TTC7A: variants seen among roughly 807,000 people sequenced by gnomAD.
TTC7A encodes tetratricopeptide repeat protein 7A.
A neutral mutation model predicts 103.7 loss-of-function variants in TTC7A; 110 were observed. That is an observed-to-expected ratio of 1.06 (90% CI 0.91 to 1.24). TTC7A has a LOEUF of 1.24. TTC7A is among the 50% of genes most tolerant of loss of function. TTC7A has a pLI of 0.00. For missense variants in TTC7A, 1,340 were observed against 1,116.3 expected, an observed-to-expected ratio of 1.20 and a Z score of -2.86; for synonymous variants, 521 against 467.9, an observed-to-expected ratio of 1.11 and a Z score of -1.47.
intron 15 of TTC7A, among the ~76,000 whole-genome samples, chr2:47,040,038 G>A (rs921377291): frequency 1.2e-4 from 19 of 152,224 alleles, no homozygotes; most frequent in Non-Finnish European, 8.8e-5. Context: ...GCTTGCAGAT[G>A]GCATGGGAGT....
intron 3 of TTC7A, among the ~76,000 whole-genome samples, chr2:46,972,143 G>A (rs78406421): frequency 0.011 from 1,717 of 151,684 alleles, 24 homozygotes; most frequent in African/African-American, 0.04. Context: ...TCTTTTCTCT[G>A]CATGGATTTC....
chr2:47,014,983 G>A (rs1678484325), intron 11 of TTC7A, among the ~76,000 whole-genome samples: 1 of 152,256 alleles, frequency 6.6e-6, no homozygotes, highest in Non-Finnish European at 1.5e-5. Context: ...GCAGAGGGAC[G>A]TGCATGGTCA....
At chr2:46,979,022 G>A (rs941189710) in intron 5 of TTC7A, 115 bp downstream of exon 5, 3 of 684,038 alleles carry the variant, frequency 4.4e-6, no homozygotes, top group Admixed American at 5.0e-5. Context: ...GCTCTTCCAA[G>A]AGGATTGGTG....
In TTC7A at chr2:46,988,091, G is replaced by A. The variant is rs114817869; in HGVS notation, c.765-5359G>A. Reference sequence around the variant, plus strand: ...CATTCTGAGAGCCTCCTGGTGCTCTGTGTCATGCTTTGGGGCAGAGGGTAA... The same window carrying A: ...CATTCTGAGAGCCTCCTGGTGCTCTATGTCATGCTTTGGGGCAGAGGGTAA... On this transcript the variant is annotated intron_variant, in intron 5 of 19. Transcript: ENST00000319190. Among the ~76,000 whole-genome samples the A allele has an allele frequency of 6.2e-3, 945 of 152,292 alleles. 7 individuals carry two copies. Among genetic ancestry groups the A allele is most frequent in the Non-Finnish European group, 0.011 (720 of 68,020 alleles).
intron 19 of TTC7A, among the ~76,000 whole-genome samples, chr2:47,069,175 G>A (rs984104009): frequency 1.1e-4 from 16 of 152,114 alleles, no homozygotes; most frequent in African/African-American, 3.4e-4. Context: ...ACCAGCCCAG[G>A]AAGGGGAGGA....
At chr2:46,925,233 G>A (rs1393086981) in intron 2 of TTC7A, among the ~76,000 whole-genome samples, 1 of 152,112 alleles carries the variant, frequency 6.6e-6, no homozygotes, top group Non-Finnish European at 1.5e-5. Context: ...TGGGACTACC[G>A]GCATGCACCA....
At chr2:46,972,242 C>T (rs73926320) in intron 3 of TTC7A, among the ~76,000 whole-genome samples, 19,315 of 150,840 alleles carry the variant, frequency 0.13, 1,387 homozygotes, top group African/African-American at 0.19. Context: ...TTTTTCCATA[C>T]AGCATTAATT....
Position 47,073,917 on chromosome 2 carries a change from G to A in TTC7A, c.2571G>A (p.Glu857=). The A allele has an allele frequency of 6.2e-7, 1 of 1,610,190 alleles. No homozygotes were observed. The highest frequency in any genetic ancestry group is 8.5e-7 in the Non-Finnish European group (1 of 1,178,172). Residue 857 remains glutamate, a synonymous_variant, in exon 20 of 20, where the codon GAG becomes GAA. Transcript: ENST00000319190. ...TGCCCTTCTCCATCATCCCCAGAGA[G>A]CTCTGACGACGCTGCAGCCGCAGGG... ...PVLPFSIIPR[E]L is the part of the protein sequence containing the mutation.
At chr2:47,012,751 G>A (rs1295166970) in intron 11 of TTC7A, among the ~76,000 whole-genome samples, 1 of 152,152 alleles carries the variant, frequency 6.6e-6, no homozygotes, top group African/African-American at 2.4e-5. Flanking sequence ...CCTTCTCTCT[G>A]CTCCAGGGAG....
intron 10 of TTC7A, among the ~76,000 whole-genome samples, chr2:47,010,405 G>A (rs1183414241): frequency 3.9e-5 from 6 of 152,264 alleles, no homozygotes; most frequent in South Asian, 2.1e-4. Context: ...TTAGGACAAC[G>A]CCTGCACATC....
chr2:47,042,328 C>A (rs951577790), intron 15 of TTC7A, among the ~76,000 whole-genome samples: 1 of 151,978 alleles, frequency 6.6e-6, no homozygotes, highest in Non-Finnish European at 1.5e-5. Context: ...ATAGTGAGAC[C>A]CCGTCTAACA....
chr2:46,926,810 G>C (rs1669407468), intron 2 of TTC7A, among the ~76,000 whole-genome samples: 1 of 152,210 alleles, frequency 6.6e-6, no homozygotes, highest in Admixed American at 6.5e-5. Context: ...TCCACAGCTT[G>C]AGACACTGGA....
intron 18 of TTC7A, among the ~76,000 whole-genome samples, chr2:47,058,124 C>T (rs2104765773): frequency 6.6e-6 from 1 of 152,318 alleles, no homozygotes; most frequent in Admixed American, 6.5e-5. Context: ...CCTCCCCCTA[C>T]CAGCCATCTG....
Position 47,075,764 on chromosome 2 carries a change from G to C in TTC7A, c.*1841G>C, listed in dbSNP as rs1427591107. 1 of 152,572 alleles carries C rather than the reference G, an allele frequency of 6.6e-6. No homozygotes were observed. The highest frequency in any genetic ancestry group is 1.9e-4 in the East Asian group (1 of 5,206). The allele number at this position is 152,572 out of a possible 1,614,324, so 9.5% of individuals were successfully genotyped here. On this transcript the variant is annotated 3_prime_UTR_variant, in exon 20 of 20. Coordinates refer to ENST00000319190, the MANE Select transcript of TTC7A (RefSeq NM_020458.4). ...AAAATGTGGATTTGAGCTGGTGAGA[G>C]TGTTGCTAAGGCTGGGCTAAAGCCT...
At chr2:46,983,757 A>G (rs1245374433) in intron 5 of TTC7A, among the ~76,000 whole-genome samples, 1 of 152,132 alleles carries the variant, frequency 6.6e-6, no homozygotes, top group Non-Finnish European at 1.5e-5. Context: ...TGCATTTGGG[A>G]CCTTATGGGA....
At chr2:46,919,030 C>A (rs371686074) in intron 2 of TTC7A, among the ~76,000 whole-genome samples, 1 of 152,248 alleles carries the variant, frequency 6.6e-6, no homozygotes, top group East Asian at 1.9e-4. Context: ...TCCCAAGATA[C>A]CAGAATGGCC....
At chr2:46,935,043 C>T (rs1203089224) in intron 2 of TTC7A, among the ~76,000 whole-genome samples, 1 of 152,016 alleles carries the variant, frequency 6.6e-6, no homozygotes, top group Non-Finnish European at 1.5e-5. Flanking sequence ...TCGTGATCCA[C>T]CCACCTCGGC....
intron 5 of TTC7A, among the ~76,000 whole-genome samples, chr2:46,980,216 CT>C (rs5830931): frequency 0.52 from 64,525 of 124,136 alleles, 17,219 homozygotes; most frequent in East Asian, 0.63. Flanking sequence ...TACTCTCTCT[CT>C]TTTTTTTTTT....
intron 4 of TTC7A, among the ~76,000 whole-genome samples, chr2:46,975,491 T>C (rs1673787877): frequency 6.6e-6 from 1 of 151,894 alleles, no homozygotes; most frequent in Non-Finnish European, 1.5e-5. Flanking sequence ...AGCAGGATCT[T>C]GGGACTCCTT....
Sources: gnomAD v4.1 joint callset for allele counts (sites outside exome capture counted in the v4.1 genomes callset) on GRCh38, gnomAD v4.1.1 for gene constraint, MANE v1.5 for transcripts, NCBI Gene and HGNC (gene_info 2026-07-23, HGNC 2026-07-21) for gene names.